Variants in NRG4 observed in about 807,000 individuals in gnomAD.
The protein encoded by NRG4 is neuregulin 4, also known as pro-neuregulin-4, membrane-bound isoform.
In NRG4, 10 loss-of-function variants were observed where a neutral mutation model predicts 15.0. The ratio of observed to expected loss-of-function variants is 0.67; its 90% confidence interval spans 0.41 to 1.13. The LOEUF (loss-of-function observed/expected upper bound fraction) is 1.13. NRG4 is among the 50% of genes most tolerant of loss of function. The pLI is 0.00. For missense variants in NRG4, 139 were observed against 140.2 expected, an observed-to-expected ratio of 0.99 and a Z score of 0.04; for synonymous variants, 41 against 50.1, an observed-to-expected ratio of 0.82 and a Z score of 0.77.
At chr15:76,023,677 T>C (rs527483016) in intron 5 of NRG4, among the ~76,000 whole-genome samples, 3 of 152,248 alleles carry the variant, frequency 2.0e-5, no homozygotes, top group South Asian at 4.1e-4. Flanking sequence ...CCAGTAGCCA[T>C]TGCTCCCCTC....
At chr15:75,983,769 G>C (rs1298029373) in intron 3 of NRG4, among the ~76,000 whole-genome samples, 2 of 151,854 alleles carry the variant, frequency 1.3e-5, no homozygotes, top group Non-Finnish European at 2.9e-5. Context: ...AAATAACTAA[G>C]AATAAATTTA....
intron 2 of NRG4, 37 bp downstream of exon 2, chr15:76,011,184 C>T (rs2034797246): frequency 1.5e-6 from 2 of 1,367,810 alleles, no homozygotes; most frequent in Non-Finnish European, 1.9e-6. Context: ...GCTATGGACA[C>T]ATATTGACAA....
intron 3 of NRG4, chr15:75,969,359 G>A (rs2032984553): frequency 5.5e-6 from 2 of 364,206 alleles, no homozygotes. Flanking sequence ...AGAAAATAAT[G>A]GATGATAAAG....
At chr15:75,970,443 C>A (rs143303709) in intron 3 of NRG4, among the ~76,000 whole-genome samples, 41 of 152,192 alleles carry the variant, frequency 2.7e-4, no homozygotes, top group African/African-American at 9.4e-4. Context: ...TTCCACCTAT[C>A]GAAGACTGGG....
At chr15:75,988,515 G>T (rs1050209602) in intron 3 of NRG4, among the ~76,000 whole-genome samples, 2 of 152,122 alleles carry the variant, frequency 1.3e-5, no homozygotes, top group African/African-American at 4.8e-5. Flanking sequence ...TCTTAGTTTT[G>T]TGTTTAAACA....
rs558187228 is a variant in NRG4 at position 75,964,647 on chromosome 15, C to G, written c.105-2673G>C. Among the ~76,000 whole-genome samples, 10 of 152,258 alleles carry G rather than the reference C, an allele frequency of 6.6e-5. No homozygotes were observed. In the East Asian group the frequency reaches 1.5e-3, roughly 24 times the overall value. ...GTTTAAGTAAGATTGAAATTCAGGC[C>G]GGGCACAGTGGCTCATGCCTGTAAT... On this transcript the variant is annotated intron_variant, in intron 3 of 5. Coordinates refer to ENST00000394907, the MANE Select transcript of NRG4 (RefSeq NM_138573.4).
intron 3 of NRG4, among the ~76,000 whole-genome samples, chr15:75,963,430 G>T (rs767515311): frequency 5.3e-5 from 8 of 151,910 alleles, no homozygotes; most frequent in Non-Finnish European, 8.8e-5. Context: ...GATCACTTGG[G>T]GCCAGGAGTT....
chr15:75,995,239 C>T lies in NRG4; in HGVS notation c.104+13961G>A, dbSNP rs145037895. On this transcript the variant is annotated intron_variant, in intron 3 of 5. Transcript: ENST00000394907. ...AAAGAAAGAAAGAAAAGCAGTTTAT[C>T]TTGGCTCATGCTTCTGGAGGCTATA... Among the ~76,000 whole-genome samples, 97 of 152,070 alleles carry T rather than the reference C, an allele frequency of 6.4e-4. 2 individuals are homozygous for T. In the East Asian group the frequency reaches 0.016, roughly 26 times the overall value.
chr15:76,047,744 G>GA (rs772942087), intron 4 of NRG4, among the ~76,000 whole-genome samples: 7 of 150,052 alleles, frequency 4.7e-5, no homozygotes, highest in South Asian at 2.1e-4. Context: ...CAAAAAAAGT[G>GA]AAAAAAAATA....
At chr15:76,027,255 CA>C (rs1294107862) in intron 5 of NRG4, among the ~76,000 whole-genome samples, 2 of 151,632 alleles carry the variant, frequency 1.3e-5, no homozygotes, top group African/African-American at 4.8e-5. Flanking sequence ...AAACAAAAAC[CA>C]AAAACAAGCA....
At chr15:75,988,485 C>A (rs2141865375) in intron 3 of NRG4, among the ~76,000 whole-genome samples, 1 of 152,328 alleles carries the variant, frequency 6.6e-6, no homozygotes, top group Middle Eastern at 3.4e-3. Flanking sequence ...CCACGTCCAG[C>A]CTACAACTCC....
At chr15:76,029,337 C>G (rs968445348) in intron 5 of NRG4, among the ~76,000 whole-genome samples, 1 of 152,070 alleles carries the variant, frequency 6.6e-6, no homozygotes, top group Non-Finnish European at 1.5e-5. Context: ...AAACCCACAG[C>G]TAACATCATA....
intron 5 of NRG4, among the ~76,000 whole-genome samples, chr15:75,952,239 T>C (rs1339245848): frequency 6.6e-6 from 1 of 152,004 alleles, no homozygotes; most frequent in Non-Finnish European, 1.5e-5. Flanking sequence ...CTCCCCAACA[T>C]CCCCCCATTT....
intron 4 of NRG4, among the ~76,000 whole-genome samples, chr15:75,958,263 C>T (rs959820080): frequency 2.0e-5 from 3 of 152,168 alleles, no homozygotes; most frequent in Non-Finnish European, 2.9e-5. Context: ...CCGCCCTCCT[C>T]GGCCTCCCAA....
chr15:75,943,962 C>T (rs192499437), intron 5 of NRG4, among the ~76,000 whole-genome samples: 3 of 151,882 alleles, frequency 2.0e-5, no homozygotes, highest in Admixed American at 2.0e-4. Context: ...TTCTAACAAG[C>T]CTGGTGACCT....
At chr15:76,014,029 C>T (rs9745133), upstream of NRG4, among the ~76,000 whole-genome samples, 5,610 of 152,206 alleles carry the variant, frequency 0.037, 180 homozygotes, top group African/African-American at 0.085. Context: ...TTAATGATCG[C>T]CATTCTAACT....
At chr15:75,954,253 TTTTG>T (rs934388139) in intron 5 of NRG4, among the ~76,000 whole-genome samples, 1 of 149,112 alleles carries the variant, frequency 6.7e-6, no homozygotes, top group African/African-American at 2.5e-5. Context: ...ACCATCCAGT[TTTTG>T]TTTTTTTGTT....
At position 76,050,982 on chromosome 15, in the gene NRG4, T is replaced by C. The variant is rs1324892584; in HGVS notation, c.-105+1085A>G. Reference sequence around the variant, plus strand: ...CACCATGCCTGCCTATTTTTATTTATTTATTTATTTATTTATTTATTTATT... The same window carrying C: ...CACCATGCCTGCCTATTTTTATTTACTTATTTATTTATTTATTTATTTATT... On this transcript the variant is annotated intron_variant, in intron 4 of 8. Coordinates refer to the NRG4 transcript ENST00000563910. Among the ~76,000 whole-genome samples, 2 of 144,114 alleles carry C rather than the reference T, an allele frequency of 1.4e-5. 1 individual carries two copies. Among genetic ancestry groups the C allele is most frequent in the Non-Finnish European group, 3.0e-5 (2 of 67,030 alleles). The allele number at this position is 144,114 out of a possible 152,430, so 94.5% of individuals were successfully genotyped here.
intron 5 of NRG4, among the ~76,000 whole-genome samples, chr15:76,017,573 T>C (rs892448499): frequency 6.6e-6 from 1 of 152,220 alleles, no homozygotes; most frequent in Non-Finnish European, 1.5e-5. Context: ...TAAAGGATTT[T>C]ATTTCTCCTT....
Sources: gnomAD v4.1 joint callset for allele counts (sites outside exome capture counted in the v4.1 genomes callset) on GRCh38, gnomAD v4.1.1 for gene constraint, MANE v1.5 for transcripts, NCBI Gene and HGNC (gene_info 2026-07-23, HGNC 2026-07-21) for gene names.